Variants in RBFOX1 observed in about 807,000 individuals in gnomAD.
The protein encoded by RBFOX1 is RNA binding protein fox-1 homolog 1.
RBFOX1 carries 8 observed loss-of-function variants against 57.7 expected under a neutral mutation model. The observed-to-expected ratio is 0.14, with a 90% CI of 0.08 to 0.25. The LOEUF is 0.25. RBFOX1 is among the 10% of genes least tolerant of loss of function. The probability of loss-of-function intolerance (pLI) is 1.00; values close to 1 mark genes in which losing one functional copy is unlikely to be tolerated. For missense variants in RBFOX1, 611 were observed against 548.5 expected (o/e 1.11, Z -1.14); for synonymous variants, 326 against 222.4 (o/e 1.47, Z -4.15).
intron 3 of RBFOX1, among the ~76,000 whole-genome samples, chr16:6,961,145 C>CACACACACACACACACA (rs142889433): frequency 0.32 from 45,207 of 143,236 alleles, 8,486 homozygotes; most frequent in Middle Eastern, 0.43. Flanking sequence ...TCACACACAC[C>CACACACACACACACACA]CACACAGACA....
chr16:5,951,447 C>G (rs955545618), intron 4 of RBFOX1, among the ~76,000 whole-genome samples: 2 of 151,982 alleles, frequency 1.3e-5, no homozygotes. Context: ...GACTCCATCT[C>G]AAAATATATG....
At chr16:6,439,908 C>T (rs910517872) in intron 2 of RBFOX1, among the ~76,000 whole-genome samples, 1 of 148,626 alleles carries the variant, frequency 6.7e-6, no homozygotes, top group Non-Finnish European at 1.5e-5. Context: ...AATGAAAATG[C>T]AAAAACAATA....
chr16:5,394,339 A>G lies in RBFOX1; in HGVS notation c.220-72877A>G, dbSNP rs554951451. Among the ~76,000 whole-genome samples, 206 of 152,150 alleles carry G rather than the reference A, an allele frequency of 1.4e-3. 1 individual carries two copies. The highest frequency in any genetic ancestry group is 2.3e-3 in the Non-Finnish European group (157 of 67,988). On this transcript the variant is annotated intron_variant, in intron 1 of 2. Coordinates refer to the RBFOX1 transcript ENST00000585867. ...GCCCAGCCAGCCATTTCTTTTAACA[A>G]TGTTTACTGGAAAATTTTAGGACAG...
At chr16:6,505,484 A>G (rs2096064872) in intron 2 of RBFOX1, among the ~76,000 whole-genome samples, 2 of 152,246 alleles carry the variant, frequency 1.3e-5, no homozygotes, top group Admixed American at 6.5e-5. Flanking sequence ...GAATTGAAAA[A>G]TATTAGGTAT....
chr16:5,909,633 C>T (rs949731538), intron 4 of RBFOX1, among the ~76,000 whole-genome samples: 4 of 152,138 alleles, frequency 2.6e-5, no homozygotes, highest in African/African-American at 9.7e-5. Flanking sequence ...TGTAGCCTCC[C>T]TCCTGGGCAT....
chr16:7,223,913 C>A (rs2092918495), intron 4 of RBFOX1, among the ~76,000 whole-genome samples: 1 of 151,458 alleles, frequency 6.6e-6, no homozygotes, highest in Non-Finnish European at 1.5e-5. Context: ...TTTAATTGTA[C>A]CAAGTTGAAA....
chr16:5,381,988 C>T (rs1233521362), intron 1 of RBFOX1, among the ~76,000 whole-genome samples: 1 of 152,212 alleles, frequency 6.6e-6, no homozygotes, highest in African/African-American at 2.4e-5. Context: ...ACTCAGTGGA[C>T]GTCAGTAGCA....
intron 3 of RBFOX1, among the ~76,000 whole-genome samples, chr16:6,690,655 C>T (rs1434079660): frequency 6.6e-6 from 1 of 151,968 alleles, no homozygotes; most frequent in Non-Finnish European, 1.5e-5. Flanking sequence ...TCATAAACCT[C>T]TGCTTTTAGT....
chr16:7,522,357 G>A (rs567543761), intron 5 of RBFOX1, among the ~76,000 whole-genome samples: 1 of 152,270 alleles, frequency 6.6e-6, no homozygotes, highest in South Asian at 2.1e-4. Context: ...AGACATCAAT[G>A]GGATGTTCAG....
rs571446702 is a variant in RBFOX1, at chr16:6,687,828, C to G, written c.-16+33178C>G. 3.3e-5 allele frequency among the ~76,000 whole-genome samples: 5 copies of G among 152,168 alleles called. No individual in the cohort carries two copies. In the East Asian group the frequency reaches 5.8e-4, roughly 18 times the overall value. On this transcript the variant is annotated intron_variant, in intron 3 of 15. Coordinates refer to ENST00000550418, the MANE Select transcript of RBFOX1 (RefSeq NM_018723.4). ...CTAGAACAAGTCACATGGGCCCAAC[C>G]TAACTCCAAAGGAGTCTGGGAAATG...
At chr16:7,030,604 T>C (rs888294999) in intron 3 of RBFOX1, among the ~76,000 whole-genome samples, 2 of 152,210 alleles carry the variant, frequency 1.3e-5, no homozygotes, top group African/African-American at 4.8e-5. Flanking sequence ...CTATTTCGTA[T>C]GTGGACACTC....
At chr16:6,111,612 C>G (rs2096447567) in intron 1 of RBFOX1, among the ~76,000 whole-genome samples, 2 of 152,164 alleles carry the variant, frequency 1.3e-5, no homozygotes, top group Admixed American at 1.3e-4. Context: ...TCAAAATAAA[C>G]TGGGTATTTC....
At chr16:7,173,809 C>T (rs1002775296) in intron 4 of RBFOX1, among the ~76,000 whole-genome samples, 3 of 152,138 alleles carry the variant, frequency 2.0e-5, no homozygotes, top group Admixed American at 6.5e-5. Context: ...TTCTTTATCC[C>T]AATGTCATAC....
chr16:6,357,846 G>A (rs1223112092), intron 2 of RBFOX1, among the ~76,000 whole-genome samples: 2 of 151,912 alleles, frequency 1.3e-5, no homozygotes, highest in Non-Finnish European at 2.9e-5. Flanking sequence ...AACTACTTGG[G>A]AGGCTGAGGT....
At chr16:6,388,324 T>A (rs1051577813) in intron 2 of RBFOX1, among the ~76,000 whole-genome samples, 3 of 152,068 alleles carry the variant, frequency 2.0e-5, no homozygotes, top group Non-Finnish European at 4.4e-5. Context: ...TGAAGCTGTT[T>A]GCAGCCATTT....
chr16:7,464,521 T>C (rs944329398), intron 4 of RBFOX1, among the ~76,000 whole-genome samples: 8 of 152,036 alleles, frequency 5.3e-5, no homozygotes, highest in African/African-American at 1.7e-4. Flanking sequence ...ACCTCTTTTC[T>C]AGTAATTTCA....
chr16:6,442,160 G>A (rs1412239829), intron 2 of RBFOX1, among the ~76,000 whole-genome samples: 3 of 152,158 alleles, frequency 2.0e-5, no homozygotes, highest in African/African-American at 4.8e-5. Context: ...AATAGCAGGG[G>A]ACAGAGCTTG....
rs536088448 is a variant in RBFOX1 at position 6,591,380 on chromosome 16, G to A, written c.-63-63223G>A. ...GAGGCATGAGAATCACTTGAACTTG[G>A]GAGGCGGAGATTGCAGTGAGCTGAG... On this transcript the variant is annotated intron_variant, in intron 2 of 15. Coordinates refer to ENST00000550418, the MANE Select transcript of RBFOX1 (RefSeq NM_018723.4). 2.2e-3 allele frequency among the ~76,000 whole-genome samples: 328 copies of A among 152,266 alleles called. 1 individual carries two copies. The highest frequency in any genetic ancestry group is 3.4e-3 in the Middle Eastern group (1 of 294).
intron 1 of RBFOX1, among the ~76,000 whole-genome samples, chr16:5,262,290 C>T (rs1468124681): frequency 1.3e-5 from 2 of 152,160 alleles, no homozygotes; most frequent in Admixed American, 1.3e-4. Flanking sequence ...ACACGTTATT[C>T]TGGATGTATC....
Sources: allele counts gnomAD v4.1 joint callset (sites outside exome capture counted in the v4.1 genomes callset), GRCh38; gene constraint gnomAD v4.1.1; transcripts MANE v1.5; gene names NCBI Gene and HGNC (gene_info 2026-07-23, HGNC 2026-07-21).